The following ARHGAP6 variants were observed in gnomAD, a reference collection of about 807,000 sequenced individuals.
The protein encoded by ARHGAP6 is Rho GTPase activating protein 6.
ARHGAP6 carries 16 observed loss-of-function variants against 55.7 expected under a neutral mutation model. That is an observed-to-expected ratio of 0.29 (90% CI 0.19 to 0.44). The LOEUF (loss-of-function observed/expected upper bound fraction) is 0.44, where lower values mean the gene tolerates loss of function less well. Among genes scored for constraint, ARHGAP6 ranks in the 20% least tolerant of loss-of-function variants. The pLI is 1.00. For missense variants in ARHGAP6, 698 were observed against 808.9 expected, an observed-to-expected ratio of 0.86 and a Z score of 1.66; for synonymous variants, 382 against 360.9, an observed-to-expected ratio of 1.06 and a Z score of -0.66.
At chrX:11,538,550 T>A (rs1320010883) in intron 1 of ARHGAP6, among the ~76,000 whole-genome samples, 1 of 111,545 alleles carries the variant, frequency 9.0e-6, no homozygotes, top group East Asian at 2.8e-4. Flanking sequence ...AAGAACTCAA[T>A]ATTTTTATAA....
At chrX:11,481,567 A>G (rs976655827) in intron 1 of ARHGAP6, among the ~76,000 whole-genome samples, 8 of 112,676 alleles carry the variant, frequency 7.1e-5, no homozygotes, top group Non-Finnish European at 1.5e-4. Context: ...GGCATTTCCT[A>G]GTGGAGTCCT....
intron 3 of ARHGAP6, among the ~76,000 whole-genome samples, chrX:11,192,877 T>C (rs925125053): frequency 1.1e-4 from 12 of 112,409 alleles, no homozygotes; most frequent in African/African-American, 3.9e-4. Flanking sequence ...AAAGTAGCTA[T>C]TTTTAAAATT....
intron 1 of ARHGAP6, among the ~76,000 whole-genome samples, chrX:11,428,714 G>C (rs966688428): frequency 5.4e-5 from 6 of 111,946 alleles, no homozygotes; most frequent in Non-Finnish European, 9.4e-5. Flanking sequence ...GGAGAGGGGA[G>C]GAGAGGGGAG....
chrX:11,380,125 A>G (rs1270116663), intron 1 of ARHGAP6, among the ~76,000 whole-genome samples: 2 of 111,459 alleles, frequency 1.8e-5, no homozygotes, highest in Non-Finnish European at 3.8e-5. Context: ...TAAATACGAA[A>G]CTCAATGTAA....
chrX:11,140,972 C>A (rs1197045240), intron 12 of ARHGAP6, among the ~76,000 whole-genome samples: 3 of 111,228 alleles, frequency 2.7e-5, no homozygotes, highest in Admixed American at 9.6e-5. Flanking sequence ...TACAAAGAAA[C>A]AAATGATAGC....
chrX:11,168,856 A>G (rs758116367), intron 9 of ARHGAP6, among the ~76,000 whole-genome samples: 1 of 112,482 alleles, frequency 8.9e-6, no homozygotes, highest in South Asian at 3.7e-4. Flanking sequence ...ATTCAATACA[A>G]ATCAAAAAAA....
chrX:11,488,171 G>C (rs2050530328), intron 1 of ARHGAP6, among the ~76,000 whole-genome samples: 1 of 111,751 alleles, frequency 8.9e-6, no homozygotes, highest in African/African-American at 3.3e-5. Context: ...TTATGATCCT[G>C]GACTAGATCT....
At chrX:11,575,524 C>T (rs1044576508) in intron 1 of ARHGAP6, among the ~76,000 whole-genome samples, 3 of 111,310 alleles carry the variant, frequency 2.7e-5, no homozygotes, top group African/African-American at 9.8e-5. Context: ...GTTAGAAAGA[C>T]AGGTGACTCA....
intron 1 of ARHGAP6, among the ~76,000 whole-genome samples, chrX:11,619,522 G>T (rs751336837): frequency 6.2e-4 from 70 of 112,358 alleles, no homozygotes; most frequent in African/African-American, 2.2e-3. Context: ...AATGAAAAAG[G>T]GAACCATGAT....
chrX:11,328,263 T>A (rs2048521604), intron 1 of ARHGAP6, among the ~76,000 whole-genome samples: 1 of 111,827 alleles, frequency 8.9e-6, no homozygotes, highest in Non-Finnish European at 1.9e-5. Context: ...ACAGTTATGG[T>A]ATAGGAAGGT....
At chrX:11,360,576 A>G (rs2048996630) in intron 1 of ARHGAP6, among the ~76,000 whole-genome samples, 1 of 108,770 alleles carries the variant, frequency 9.2e-6, no homozygotes, top group African/African-American at 3.4e-5. Flanking sequence ...AACTGGAAGC[A>G]TTCCCTTTGA....
At chrX:11,475,560 TACACACACACAC>T (rs199969639) in intron 1 of ARHGAP6, among the ~76,000 whole-genome samples, 16 of 95,891 alleles carry the variant, frequency 1.7e-4, no homozygotes, top group African/African-American at 4.6e-4. Flanking sequence ...TTAAAGAAAC[TACACACACACAC>T]ACACACACAC....
At chrX:11,308,938 T>C (rs756046732) in intron 1 of ARHGAP6, among the ~76,000 whole-genome samples, 1 of 112,049 alleles carries the variant, frequency 8.9e-6, no homozygotes, top group East Asian at 2.8e-4. Context: ...GTATGTAATA[T>C]TCCAATAAGC....
chrX:11,296,887 A>G (rs1234552846), intron 1 of ARHGAP6: 6 of 1,138,940 alleles, frequency 5.3e-6, no homozygotes, highest in African/African-American at 1.8e-5. Flanking sequence ...TGGGCTCTGT[A>G]AAGAATAGTG....
At chrX:11,420,259 G>A (rs927028639) in intron 1 of ARHGAP6, among the ~76,000 whole-genome samples, 7 of 112,074 alleles carry the variant, frequency 6.2e-5, no homozygotes, top group African/African-American at 1.6e-4. Flanking sequence ...CTACCTTTAC[G>A]TTTTTAAGTA....
chrX:11,656,859 A>G (rs1043979418), intron 1 of ARHGAP6, among the ~76,000 whole-genome samples: 1 of 112,231 alleles, frequency 8.9e-6, no homozygotes, highest in African/African-American at 3.2e-5. Flanking sequence ...TTTGGGGGAC[A>G]TTGTTCTGTC....
chrX:11,578,175 G>A (rs1242346590), intron 1 of ARHGAP6, among the ~76,000 whole-genome samples: 1 of 111,084 alleles, frequency 9.0e-6, no homozygotes, highest in Non-Finnish European at 1.9e-5. Flanking sequence ...AAGAGATGAG[G>A]TCCCAGGGCC....
intron 1 of ARHGAP6, among the ~76,000 whole-genome samples, chrX:11,493,128 G>A (rs1051930987): frequency 3.6e-5 from 4 of 111,831 alleles, no homozygotes; most frequent in Admixed American, 9.5e-5. Flanking sequence ...GAATCACGGA[G>A]GCCTTTTATA....
chrX:11,411,215 A>ATATATATATATATATATATG (rs2049681496), intron 1 of ARHGAP6, among the ~76,000 whole-genome samples: 2 of 82,644 alleles, frequency 2.4e-5, no homozygotes, highest in Non-Finnish European at 4.6e-5. Flanking sequence ...ATATATATAT[A>ATATATATATATATATATATG]TATATATAAA....
Sources: gnomAD v4.1 joint callset for allele counts (sites outside exome capture counted in the v4.1 genomes callset) on GRCh38, gnomAD v4.1.1 for gene constraint, MANE v1.5 for transcripts, NCBI Gene and HGNC (gene_info 2026-07-23, HGNC 2026-07-21) for gene names.